The following CNTNAP5 variants were observed in gnomAD, a reference collection of about 807,000 sequenced individuals.
CNTNAP5 encodes contactin associated protein family member 5.
A neutral mutation model predicts 150.2 loss-of-function variants in CNTNAP5; 72 were observed. The ratio of observed to expected loss-of-function variants is 0.48; its 90% CI spans 0.40 to 0.58. CNTNAP5 has a LOEUF of 0.58. CNTNAP5 is among the 20% of genes least tolerant of loss of function. The probability of loss-of-function intolerance (pLI) is 0.00; values close to 1 mark genes in which losing one functional copy is unlikely to be tolerated. For missense variants in CNTNAP5, 1,636 were observed against 1,626.2 expected (o/e 1.01, Z -0.10); for synonymous variants, 672 against 619.8 (o/e 1.08, Z -1.25).
chr2:124,296,355 C>T (rs771839937), intron 3 of CNTNAP5, among the ~76,000 whole-genome samples: 3 of 152,210 alleles, frequency 2.0e-5, no homozygotes, highest in Non-Finnish European at 2.9e-5. Flanking sequence ...ACAGAAGATG[C>T]AGAGCGGCTC....
Position 124,313,676 on chromosome 2 carries a change from G to A in CNTNAP5, c.381+71283G>A, listed in dbSNP as rs970761713. 3.3e-5 allele frequency among the ~76,000 whole-genome samples: 5 copies of A among 152,294 alleles called. No homozygotes were observed. In the South Asian group the frequency reaches 1.0e-3, roughly 32 times the overall value. ...GTGGTAACTGTCTAGAATTTAGATT[G>A]TGCCATTGTCTGGATCATGCCATCA... On this transcript the variant is annotated intron_variant, in intron 3 of 23. Coordinates refer to ENST00000682447, the MANE Select transcript of CNTNAP5 (RefSeq NM_001367498.1).
intron 7 of CNTNAP5, among the ~76,000 whole-genome samples, chr2:124,497,554 C>T (rs1482036864): frequency 6.6e-6 from 1 of 152,138 alleles, no homozygotes; most frequent in African/African-American, 2.4e-5. Context: ...AGTGAAATAA[C>T]CAAAGGATTA....
At chr2:124,725,457 C>T (rs573855013) in intron 13 of CNTNAP5, among the ~76,000 whole-genome samples, 1 of 145,896 alleles carries the variant, frequency 6.9e-6, no homozygotes. Context: ...CCTTCCCCTT[C>T]CTCTTCCCCT....
intron 13 of CNTNAP5, among the ~76,000 whole-genome samples, chr2:124,737,934 A>G (rs1002060758): frequency 6.6e-6 from 1 of 152,074 alleles, no homozygotes; most frequent in African/African-American, 2.4e-5. Context: ...AAAAGCATGA[A>G]TCTGCTTGGA....
At chr2:124,174,030 C>T (rs1286863791) in intron 1 of CNTNAP5, among the ~76,000 whole-genome samples, 1 of 150,206 alleles carries the variant, frequency 6.7e-6, no homozygotes, top group African/African-American at 2.5e-5. Context: ...AATGGAACAA[C>T]AAAACCTGAA....
At chr2:124,786,397 A>AAG (rs1681583217) in intron 17 of CNTNAP5, among the ~76,000 whole-genome samples, 3 of 82,206 alleles carry the variant, frequency 3.6e-5, no homozygotes, top group Admixed American at 1.2e-4. Context: ...GAAAGAAAGA[A>AAG]AGAAGGAAGG....
intron 11 of CNTNAP5, among the ~76,000 whole-genome samples, chr2:124,604,199 T>C (rs1220647405): frequency 6.6e-6 from 1 of 152,250 alleles, no homozygotes; most frequent in Non-Finnish European, 1.5e-5. Flanking sequence ...TTCTAAGATA[T>C]ATTGCAGAAT....
At position 124,764,065 on chromosome 2, in the gene CNTNAP5, C is replaced by A; in HGVS notation, c.2451C>A (p.Ser817=). 1 of 1,613,228 alleles carries A rather than the reference C, an allele frequency of 6.2e-7. No individual in the cohort carries two copies. The highest frequency in any genetic ancestry group is 1.1e-5 in the South Asian group (1 of 91,064). Residue 817 remains serine (S), a synonymous_variant, in exon 16 of 24, where the codon TCC becomes TCA. Coordinates refer to ENST00000682447, the MANE Select transcript of CNTNAP5 (RefSeq NM_001367498.1). ...ATGCGGAATTCAGTGCCGATATTTC[C>A]TTCTTTTTTAAAACCACAGCATTAT... ...TFHAEFSADI[S]FFFKTTALSG...
chr2:124,307,218 G>T (rs1168293121), intron 3 of CNTNAP5, among the ~76,000 whole-genome samples: 1 of 152,112 alleles, frequency 6.6e-6, no homozygotes, highest in Non-Finnish European at 1.5e-5. Context: ...TAGCTATATT[G>T]TCACATGGCC....
intron 1 of CNTNAP5, among the ~76,000 whole-genome samples, chr2:124,097,028 C>A (rs1346408218): frequency 3.3e-5 from 5 of 152,090 alleles, no homozygotes; most frequent in Non-Finnish European, 7.4e-5. Flanking sequence ...GTACTATTTT[C>A]TTTGTTGAAC....
intron 1 of CNTNAP5, among the ~76,000 whole-genome samples, chr2:124,162,928 A>T (rs1181237571): frequency 2.0e-5 from 3 of 152,188 alleles, no homozygotes; most frequent in Non-Finnish European, 4.4e-5. Flanking sequence ...TTCCAAAGAC[A>T]GACAGAGTCC....
chr2:124,559,580 T>G (rs1364689360), intron 10 of CNTNAP5, among the ~76,000 whole-genome samples: 1 of 152,216 alleles, frequency 6.6e-6, no homozygotes, highest in Non-Finnish European at 1.5e-5. Flanking sequence ...CCTAGCAATT[T>G]GGATTAAGAG....
chr2:124,363,556 A>C (rs930015616), intron 3 of CNTNAP5, among the ~76,000 whole-genome samples: 1 of 152,232 alleles, frequency 6.6e-6, no homozygotes, highest in African/African-American at 2.4e-5. Context: ...ATAATTTATC[A>C]GCTCTATCTC....
intron 17 of CNTNAP5, among the ~76,000 whole-genome samples, chr2:124,776,592 C>T (rs570447699): frequency 5.9e-5 from 9 of 152,254 alleles, no homozygotes; most frequent in Admixed American, 2.0e-4. Flanking sequence ...GGTAACTGGC[C>T]TCAGTCTCCT....
Position 124,828,735 on chromosome 2 carries a change from C to CAAAAAAAAA in CNTNAP5, c.3217+30444_3217+30452dup, listed in dbSNP as rs60339676. Among the ~76,000 whole-genome samples, 14 of 23,112 alleles carry CAAAAAAAAA rather than the reference C, an allele frequency of 6.1e-4. 2 individuals are homozygous for CAAAAAAAAA. The highest frequency in any genetic ancestry group is 4.4e-3 in the East Asian group (3 of 686). 15.2% of individuals were successfully genotyped at this position (23,112 alleles called of 152,430 possible). A position where few individuals can be genotyped will look rare whatever the true frequency, so the allele number is the denominator to read the frequency against. On this transcript the variant is annotated intron_variant, in intron 19 of 23. Transcript: ENST00000682447. ...CCTTGCAGACCAATGCAAGTGTTGGCAAAAAAAAAAAAAAAAAAAAAAAAA... is the reference window on the plus strand; with the variant it reads ...CCTTGCAGACCAATGCAAGTGTTGGCAAAAAAAAAAAAAAAAAAAAAAAAAAAAAAAAAA...
intron 13 of CNTNAP5, among the ~76,000 whole-genome samples, chr2:124,687,618 G>A (rs940529495): frequency 6.6e-5 from 10 of 151,934 alleles, no homozygotes; most frequent in African/African-American, 9.7e-5. Context: ...TATTCAGAAA[G>A]GATGGTACTT....
At chr2:124,229,483 C>G (rs532367933) in intron 2 of CNTNAP5, among the ~76,000 whole-genome samples, 1 of 152,168 alleles carries the variant, frequency 6.6e-6, no homozygotes, top group South Asian at 2.1e-4. Flanking sequence ...TTCATCTCAT[C>G]ACACACAAAA....
chr2:124,506,133 G>A (rs577993414), intron 8 of CNTNAP5, among the ~76,000 whole-genome samples: 2 of 150,200 alleles, frequency 1.3e-5, no homozygotes, highest in South Asian at 4.2e-4. Flanking sequence ...TATAGATTCA[G>A]GTTGCCCTGA....
chr2:124,748,820 G>T (rs1446909817), intron 14 of CNTNAP5, among the ~76,000 whole-genome samples: 1 of 152,150 alleles, frequency 6.6e-6, no homozygotes, highest in African/African-American at 2.4e-5. Context: ...CTAAACTCAA[G>T]CTGGCCGAAG....
Sources: gnomAD v4.1 joint callset for allele counts (sites outside exome capture counted in the v4.1 genomes callset) on GRCh38, gnomAD v4.1.1 for gene constraint, MANE v1.5 for transcripts, NCBI Gene and HGNC (gene_info 2026-07-23, HGNC 2026-07-21) for gene names.